The following KDM4D variants were observed in gnomAD, a reference collection of about 807,000 sequenced individuals.
The protein encoded by KDM4D is lysine-specific demethylase 4D.
For missense variants in KDM4D, 427 were observed against 674.8 expected (o/e 0.63, Z 4.07); for synonymous variants, 254 against 249.1 (o/e 1.02, Z -0.19).
intron 2 of KDM4D, among the ~76,000 whole-genome samples, chr11:94,989,210 A>G (rs1857913114): frequency 6.6e-6 from 1 of 152,220 alleles, no homozygotes; most frequent in South Asian, 2.1e-4. Context: ...TTAAAAAGCT[A>G]AAAAGGTTAT....
At chr11:94,989,837 C>T (rs587657978) in intron 2 of KDM4D, among the ~76,000 whole-genome samples, 29 of 150,044 alleles carry the variant, frequency 1.9e-4, no homozygotes, top group East Asian at 5.9e-4. Context: ...CTGCAACCTC[C>T]GCCAGGTTGA....
chr11:94,998,773 C>T lies in KDM4D; in HGVS notation c.1401C>T (p.Leu467=). The change falls in exon 3 of 3, where the codon CTC becomes CTT. Residue 467 remains leucine, a synonymous_variant. Coordinates refer to ENST00000335080, the MANE Select transcript of KDM4D (RefSeq NM_018039.3). The surrounding 1 kb of genome is among the most constrained non-coding windows in gnomAD (Gnocchi z 6.7). ...AACTGAGAGCTCAGGAGCTGACCCT[C>T]CAGACTCCAGCCAAGAGGCCCCTCT... ...PQKLRAQELT[L]QTPAKRPLLA... is the part of the protein sequence containing the mutation. 1 of 1,609,902 alleles carries T rather than the reference C, an allele frequency of 6.2e-7. No individual in the cohort carries two copies. The highest frequency in any genetic ancestry group is 8.5e-7 in the Non-Finnish European group (1 of 1,176,688).
chr11:94,977,387 A>G (rs943558124), intron 2 of KDM4D, among the ~76,000 whole-genome samples: 5 of 152,128 alleles, frequency 3.3e-5, no homozygotes, highest in East Asian at 1.9e-4. Flanking sequence ...CCTTTCCCCT[A>G]CCTCTTTGAC....
Position 94,998,399 on chromosome 11 carries a change from G to T in KDM4D, c.1027G>T (p.Ala343Ser), listed in dbSNP as rs1555099549. ...CCTGTGGAAACGTGGGCAAGACCGG[G>T]CAGTTGTGGACCACATGGAGCCCAG... The part of the protein sequence containing the change: ...YDLWKRGQDR[A>S]VVDHMEPRVP... Residue 343 changes from alanine to serine, a missense_variant, in exon 3 of 3, where the codon GCA (alanine) becomes TCA (serine). Physicochemically the swap from Ala to Ser is moderately conservative, Grantham distance 99. Coordinates refer to ENST00000335080, the MANE Select transcript of KDM4D (RefSeq NM_018039.3). The surrounding 1 kb of genome is among the most constrained non-coding windows in gnomAD (Gnocchi z 6.7). 1.9e-6 allele frequency: 3 copies of T among 1,614,064 alleles called. No homozygotes were observed. Among genetic ancestry groups the T allele is most frequent in the African/African-American group, 2.7e-5 (2 of 75,042 alleles).
intron 2 of KDM4D, among the ~76,000 whole-genome samples, chr11:94,979,557 G>T (rs1857827262): frequency 6.6e-6 from 1 of 152,142 alleles, no homozygotes; most frequent in Non-Finnish European, 1.5e-5. Flanking sequence ...AATGATAATA[G>T]TCTTGCCAAT....
At chr11:94,976,825 CTAAGAAGAAAATT>C (rs1464887760) in intron 2 of KDM4D, among the ~76,000 whole-genome samples, 2 of 151,982 alleles carry the variant, frequency 1.3e-5, no homozygotes, top group African/African-American at 4.8e-5. Context: ...CCATAAAAAC[CTAAGAAGAAAATT>C]TAAGAAACTA....
intron 2 of KDM4D, among the ~76,000 whole-genome samples, chr11:94,985,525 G>A (rs1857878057): frequency 1.3e-5 from 2 of 152,134 alleles, no homozygotes; most frequent in Non-Finnish European, 2.9e-5. Context: ...TCTCCAGATT[G>A]ATGCAATCCT....
At chr11:94,989,812 C>T (rs781877816) in intron 2 of KDM4D, among the ~76,000 whole-genome samples, 34 of 137,152 alleles carry the variant, frequency 2.5e-4, no homozygotes, top group Non-Finnish European at 2.9e-4. Context: ...AGTGCAGTGG[C>T]GTGATCTCAG....
chr11:94,998,905 T>A lies in KDM4D; in HGVS notation c.1533T>A (p.Pro511=). Residue 511 remains proline, a synonymous_variant, in exon 3 of 3, where the codon CCT becomes CCA. Transcript: ENST00000335080. The surrounding 1 kb of genome is among the most constrained non-coding windows in gnomAD (Gnocchi z 6.7). ...CACTGAGCCCAGGGCTCCAGCATCC[T>A]GTCAAGGCTTCTGGGTGCAGCTGGG... ...PVPLSPGLQH[P]VKASGCSWAP... 6.6e-7 allele frequency: 1 copy of A among 1,514,500 alleles called. No individual in the cohort carries two copies. The highest frequency in any genetic ancestry group is 8.8e-7 in the Non-Finnish European group (1 of 1,131,434). The allele number at this position is 1,514,500 out of a possible 1,614,324, so 93.8% of individuals were successfully genotyped here. A position where few individuals can be genotyped will look rare whatever the true frequency, so the allele number is the denominator to read the frequency against.
Position 94,997,216 on chromosome 11 carries a change from A to G in KDM4D, c.-157A>G, listed in dbSNP as rs782308599. ...ATCTCACTAGTGAATAAACAAGCCC[A>G]AGAAAGATTATCATCTCATTTGCAA... is the stretch of plus-strand genomic sequence containing the variant. On this transcript the variant is annotated 5_prime_UTR_variant, in exon 3 of 3. Transcript: ENST00000335080. 2 of 527,328 alleles carry G rather than the reference A, an allele frequency of 3.8e-6. No individual in the cohort carries two copies. Among genetic ancestry groups the G allele is most frequent in the Non-Finnish European group, 6.4e-6 (2 of 314,588 alleles). The allele number at this position is 527,328 out of a possible 1,614,324, so 32.7% of individuals were successfully genotyped here. A position where few individuals can be genotyped will look rare whatever the true frequency, so the allele number is the denominator to read the frequency against.
At chr11:94,989,752 C>CT (rs587676047) in intron 2 of KDM4D, among the ~76,000 whole-genome samples, 29,956 of 122,628 alleles carry the variant, frequency 0.24, 4,834 homozygotes, top group East Asian at 0.69. Context: ...CTCTCTCTTT[C>CT]TTTTTTTTTT....
rs1555099328 is a variant in KDM4D, at chr11:94,997,424, A to G, written c.52A>G (p.Ile18Val). Residue 18 changes from isoleucine (I) to valine (V), a missense_variant, in exon 3 of 3, where the codon ATA (isoleucine) becomes GTA (valine). By Grantham distance (29) the Ile-to-Val change is conservative. Transcript: ENST00000335080. ...CTGTGCCCAGAATCCAAATTGTAAC[A>G]TAATGATATTTCATCCAACCAAAGA... ...ANCAQNPNCN[I>V]MIFHPTKEEF... 12 of 1,613,098 alleles carry G rather than the reference A, an allele frequency of 7.4e-6. No individual in the cohort carries two copies. In the East Asian group the frequency reaches 2.0e-4, roughly 27 times the overall value.
intron 2 of KDM4D, among the ~76,000 whole-genome samples, chr11:94,988,775 A>C (rs1037144215): frequency 1.3e-5 from 2 of 152,226 alleles, no homozygotes; most frequent in Non-Finnish European, 2.9e-5. Flanking sequence ...ATAATCTCTA[A>C]TGAAGCTTCT....
chr11:94,981,455 G>C (rs1857842272), intron 2 of KDM4D, among the ~76,000 whole-genome samples: 1 of 151,862 alleles, frequency 6.6e-6, no homozygotes, highest in African/African-American at 2.4e-5. Flanking sequence ...AAATTTCTTG[G>C]TGTAGCCATC....
chr11:94,983,180 A>T (rs1284004730), intron 2 of KDM4D, among the ~76,000 whole-genome samples: 1 of 152,108 alleles, frequency 6.6e-6, no homozygotes, highest in Non-Finnish European at 1.5e-5. Context: ...TGAAGAGTTT[A>T]GAAAGACATC....
intron 2 of KDM4D, among the ~76,000 whole-genome samples, chr11:94,991,569 T>C (rs1433874735): frequency 1.3e-5 from 2 of 151,524 alleles, no homozygotes; most frequent in Non-Finnish European, 2.9e-5. Context: ...ACAGAAATGA[T>C]CACTGGAAAT....
Position 94,997,619 on chromosome 11 carries a change from G to T in KDM4D, c.247G>T (p.Ala83Ser). ...CCTCCAGCAGGTGGCCTCTGGGCGGGCAGGGGTGTTTACTCAATACCATAA... is the reference window on the plus strand; with the variant it reads ...CCTCCAGCAGGTGGCCTCTGGGCGGTCAGGGGTGTTTACTCAATACCATAA... ...TPLQQVASGR[A>S]GVFTQYHKKK... Residue 83 changes from alanine to serine, a missense_variant, in exon 3 of 3, where the codon GCA becomes TCA. By Grantham distance (99) the Ala-to-Ser change is moderately conservative (BLOSUM62 1). Coordinates refer to ENST00000335080, the MANE Select transcript of KDM4D (RefSeq NM_018039.3). The T allele has an allele frequency of 1.2e-6, 2 of 1,613,996 alleles. No individual in the cohort carries two copies. The highest frequency in any genetic ancestry group is 2.2e-5 in the South Asian group (2 of 91,046).
chr11:94,984,105 G>A (rs782654543), intron 2 of KDM4D, among the ~76,000 whole-genome samples: 1 of 152,126 alleles, frequency 6.6e-6, no homozygotes, highest in Non-Finnish European at 1.5e-5. Context: ...GTGTATGTAT[G>A]TGTATGTATG....
chr11:94,981,242 G>A (rs1857840056), intron 2 of KDM4D, among the ~76,000 whole-genome samples: 1 of 152,008 alleles, frequency 6.6e-6, no homozygotes, highest in Non-Finnish European at 1.5e-5. Flanking sequence ...AGGTCATGAT[G>A]TATATATTGC....
Sources: gnomAD v4.1 joint callset for allele counts (sites outside exome capture counted in the v4.1 genomes callset) on GRCh38, gnomAD v4.1.1 for gene constraint, Gnocchi (gnomAD v3.1) non-coding constraint, MANE v1.5 for transcripts, NCBI Gene and HGNC (gene_info 2026-07-23, HGNC 2026-07-21) for gene names.